SLC5A4: variants seen among roughly 807,000 people sequenced by gnomAD.
SLC5A4 encodes the protein probable glucose sensor protein SLC5A4.
SLC5A4 carries 55 observed loss-of-function variants against 70.3 expected under a neutral mutation model. The observed-to-expected ratio is 0.78, with a 90% CI of 0.63 to 0.98. The LOEUF is 0.98. Ranked by LOEUF, SLC5A4 falls within the 50% of genes least tolerant of loss-of-function variation. The pLI is 0.00. For synonymous variants in SLC5A4, 268 were observed against 305.7 expected (o/e 0.88, Z 1.29); for missense variants, 735 against 839.2 (o/e 0.88, Z 1.53).
At chr22:32,276,635 A>G in the SLC5A4 span, 2 of 152,172 alleles carry the variant, frequency 1.3e-5, no homozygotes, top group African/African-American at 4.8e-5. Context: ...TAATATAACT[A>G]CATTTCTTTT....
the SLC5A4 span, among the ~76,000 whole-genome samples, chr22:32,316,251 T>C: frequency 5.3e-4 from 80 of 149,694 alleles, no homozygotes; most frequent in African/African-American, 1.8e-3. Flanking sequence ...TTATGTGCAT[T>C]TTACCATAAT....
intron 5 of SLC5A4, among the ~76,000 whole-genome samples, chr22:32,244,105 C>A (rs1020511103): frequency 6.6e-6 from 1 of 152,104 alleles, no homozygotes; most frequent in African/African-American, 2.4e-5. Flanking sequence ...TGATGTTGGC[C>A]AAAAACCTGT....
the SLC5A4 span, among the ~76,000 whole-genome samples, chr22:32,347,259 A>T: frequency 6.6e-6 from 1 of 152,212 alleles, no homozygotes; most frequent in African/African-American, 2.4e-5. Flanking sequence ...TGTTGGTGGG[A>T]CTGTAAACTA....
intron 14 of SLC5A4, among the ~76,000 whole-genome samples, chr22:32,220,132 T>C (rs1018830090): frequency 6.6e-6 from 1 of 152,110 alleles, no homozygotes; most frequent in Non-Finnish European, 1.5e-5. Context: ...TGAAATATTT[T>C]CATAAAATGG....
At chr22:32,272,451 C>T in the SLC5A4 span, 11 of 816,232 alleles carry the variant, frequency 1.3e-5, no homozygotes, top group Middle Eastern at 2.2e-4. Flanking sequence ...AGATGATCAG[C>T]GTCAGGAACT....
At chr22:32,230,256 A>C (rs1045380038) in intron 10 of SLC5A4, among the ~76,000 whole-genome samples, 1 of 152,148 alleles carries the variant, frequency 6.6e-6, no homozygotes, top group Non-Finnish European at 1.5e-5. Context: ...AAGGTGGAAG[A>C]AATGTAGCCA....
intron 10 of SLC5A4, 52 bp from the exon 11 acceptor site, chr22:32,229,396 C>A: frequency 6.3e-7 from 1 of 1,588,894 alleles, no homozygotes; most frequent in Non-Finnish European, 8.6e-7. Context: ...CACTGCCTTG[C>A]TAAACCAGAG....
the SLC5A4 span, chr22:32,270,534 G>A: frequency 1.4e-6 from 1 of 716,502 alleles, no homozygotes. Context: ...TCCTGATTCT[G>A]AGCCAGGAAG....
the SLC5A4 span, among the ~76,000 whole-genome samples, chr22:32,306,597 A>C: frequency 1.8e-3 from 272 of 152,248 alleles, no homozygotes; most frequent in African/African-American, 6.3e-3. Context: ...TCTCAGAGAG[A>C]CCCCATGCCT....
chr22:32,242,366 T>C (rs930512681), intron 5 of SLC5A4, among the ~76,000 whole-genome samples: 1 of 152,198 alleles, frequency 6.6e-6, no homozygotes, highest in East Asian at 1.9e-4. Context: ...CCCCATCCTT[T>C]ACACAGAATC....
At chr22:32,295,837 G>T in the SLC5A4 span, among the ~76,000 whole-genome samples, 1 of 59,744 alleles carries the variant, frequency 1.7e-5, no homozygotes, top group African/African-American at 6.7e-5. Flanking sequence ...TTTTGTATAA[G>T]GTGTAAGGAA....
At chr22:32,304,286 A>C in the SLC5A4 span, among the ~76,000 whole-genome samples, 4 of 151,186 alleles carry the variant, frequency 2.6e-5, no homozygotes, top group Non-Finnish European at 4.4e-5. Context: ...GCCACCATGC[A>C]TGGCTATTTT....
chr22:32,291,640 A>T, the SLC5A4 span, among the ~76,000 whole-genome samples: 5 of 151,836 alleles, frequency 3.3e-5, no homozygotes, highest in Admixed American at 1.3e-4. Flanking sequence ...TTCTTTACCA[A>T]GATAGGCTCT....
At chr22:32,335,898 C>A in the SLC5A4 span, among the ~76,000 whole-genome samples, 5 of 152,214 alleles carry the variant, frequency 3.3e-5, no homozygotes, top group Non-Finnish European at 7.3e-5. Context: ...TCCTCCAGCC[C>A]ACGGGCAAGC....
intron 4 of SLC5A4, among the ~76,000 whole-genome samples, chr22:32,248,251 G>A (rs1926945478): frequency 6.6e-6 from 1 of 152,204 alleles, no homozygotes; most frequent in Non-Finnish European, 1.5e-5. Flanking sequence ...TGGCCCAGTT[G>A]TCCCATAGAA....
At chr22:32,260,519 A>G in the SLC5A4 span, among the ~76,000 whole-genome samples, 1 of 151,900 alleles carries the variant, frequency 6.6e-6, no homozygotes, top group Non-Finnish European at 1.5e-5. Flanking sequence ...AAAAAAAAAA[A>G]ACAAAACCAA....
chr22:32,225,040 T>G (rs1925311586), intron 12 of SLC5A4, among the ~76,000 whole-genome samples: 1 of 152,178 alleles, frequency 6.6e-6, no homozygotes, highest in African/African-American at 2.4e-5. Context: ...AAGATCCCAC[T>G]TACTAATATT....
intron 5 of SLC5A4, among the ~76,000 whole-genome samples, chr22:32,244,042 T>C (rs953808843): frequency 1.3e-5 from 2 of 152,160 alleles, no homozygotes; most frequent in African/African-American, 2.4e-5. Context: ...GACGGTTGTA[T>C]TTTTCTCTAA....
the SLC5A4 span, among the ~76,000 whole-genome samples, chr22:32,322,505 A>G: frequency 6.6e-6 from 1 of 152,024 alleles, no homozygotes; most frequent in Non-Finnish European, 1.5e-5. Context: ...AAATCACTTG[A>G]ACCCGGGAGG....
Sources: gnomAD v4.1 joint callset for allele counts (sites outside exome capture counted in the v4.1 genomes callset) on GRCh38, gnomAD v4.1.1 for gene constraint, MANE v1.5 for transcripts, NCBI Gene and HGNC (gene_info 2026-07-23, HGNC 2026-07-21) for gene names.